The following GALNT17 variants were observed in gnomAD, a reference collection of about 807,000 sequenced individuals.
The protein encoded by GALNT17 is polypeptide N-acetylgalactosaminyltransferase 17.
Under a neutral mutation model 63.7 loss-of-function variants are expected in GALNT17, and 29 were observed. The observed-to-expected ratio is 0.46, with a 90% CI of 0.34 to 0.62. The LOEUF (loss-of-function observed/expected upper bound fraction) is 0.62. Among genes scored for constraint, GALNT17 ranks in the 20% least tolerant of loss-of-function variants. The pLI is 0.01. For synonymous variants in GALNT17, 305 were observed against 318.3 expected (o/e 0.96, Z 0.45); for missense variants, 603 against 799.6 (o/e 0.75, Z 2.97).
intron 5 of GALNT17, among the ~76,000 whole-genome samples, chr7:71,517,810 C>T (rs539583697): frequency 6.6e-6 from 1 of 152,308 alleles, no homozygotes; most frequent in African/African-American, 2.4e-5. Context: ...GACATGGAAG[C>T]ATCTAACTCC....
intron 5 of GALNT17, among the ~76,000 whole-genome samples, chr7:71,524,889 C>T (rs946316162): frequency 6.6e-6 from 1 of 152,144 alleles, no homozygotes; most frequent in Non-Finnish European, 1.5e-5. Context: ...GCATAGAAGC[C>T]TGAACTGTGT....
At chr7:71,218,323 A>G (rs1410959663) in intron 1 of GALNT17, among the ~76,000 whole-genome samples, 1 of 152,116 alleles carries the variant, frequency 6.6e-6, no homozygotes, top group Non-Finnish European at 1.5e-5. Flanking sequence ...GGTGGGGCAC[A>G]TTAGTTTCAT....
intron 9 of GALNT17, among the ~76,000 whole-genome samples, chr7:71,694,261 T>C (rs895121338): frequency 7.2e-5 from 11 of 152,134 alleles, no homozygotes; most frequent in Admixed American, 1.3e-4. Flanking sequence ...AACATTAGAA[T>C]TGTGGGAGCT....
chr7:71,321,848 C>T (rs1463280647), intron 1 of GALNT17, among the ~76,000 whole-genome samples: 1 of 137,726 alleles, frequency 7.3e-6, no homozygotes, highest in Non-Finnish European at 1.6e-5. Flanking sequence ...CTCCTTCCTT[C>T]CTTTCCTTCC....
At chr7:71,356,824 C>G (rs1047781429) in intron 2 of GALNT17, among the ~76,000 whole-genome samples, 7 of 152,160 alleles carry the variant, frequency 4.6e-5, no homozygotes, top group Non-Finnish European at 1.0e-4. Flanking sequence ...CTGTGTCACC[C>G]AGGCTGGAGT....
rs11267770 is a variant in GALNT17 at position 71,592,544 on chromosome 7, A to AATAAAATAGC, written c.1080+21145_1080+21146insAAATAGCATA. 2.1e-3 allele frequency among the ~76,000 whole-genome samples: 239 copies of AATAAAATAGC among 115,340 alleles called. 1 individual carries two copies. Among genetic ancestry groups the AATAAAATAGC allele is most frequent in the African/African-American group, 6.9e-3 (214 of 31,096 alleles). 75.7% of individuals were successfully genotyped at this position (115,340 alleles called of 152,430 possible). A position where few individuals can be genotyped will look rare whatever the true frequency, so the allele number is the denominator to read the frequency against. The stretch of plus-strand genomic sequence containing the variant: ...AATAAAATAAAATAAAATAAAATAA[A>AATAAAATAGC]ATAGCATAGCATAGCATACTAAAAT... On this transcript the variant is annotated intron_variant, in intron 6 of 10. Coordinates refer to ENST00000333538, the MANE Select transcript of GALNT17 (RefSeq NM_022479.3).
chr7:71,476,790 C>T (rs758792985), intron 5 of GALNT17, among the ~76,000 whole-genome samples: 40 of 152,306 alleles, frequency 2.6e-4, no homozygotes, highest in Middle Eastern at 3.4e-3. Context: ...CCAGGTGTCA[C>T]TAATGCTGAG....
chr7:71,526,438 A>G (rs565375745), intron 5 of GALNT17, among the ~76,000 whole-genome samples: 7 of 152,320 alleles, frequency 4.6e-5, no homozygotes, highest in African/African-American at 1.7e-4. Context: ...TGCTCTCTGC[A>G]TTTCCAGACG....
intron 2 of GALNT17, among the ~76,000 whole-genome samples, chr7:71,361,666 T>C (rs759989593): frequency 5.3e-4 from 81 of 152,072 alleles, no homozygotes; most frequent in Non-Finnish European, 9.4e-4. Flanking sequence ...TGATGTTGAG[T>C]TTCGTTGAGT....
intron 2 of GALNT17, among the ~76,000 whole-genome samples, chr7:71,366,025 G>T (rs1024507974): frequency 6.6e-6 from 1 of 152,164 alleles, no homozygotes; most frequent in Admixed American, 6.5e-5. Flanking sequence ...ATTCTCATAA[G>T]GAGCTCGCAA....
intron 9 of GALNT17, among the ~76,000 whole-genome samples, chr7:71,683,583 C>T (rs888633721): frequency 1.3e-5 from 2 of 152,156 alleles, no homozygotes; most frequent in African/African-American, 4.8e-5. Context: ...ATGTGTTTGT[C>T]AACAAGATGT....
chr7:71,174,563 G>C (rs1210834006), intron 1 of GALNT17, among the ~76,000 whole-genome samples: 1 of 152,224 alleles, frequency 6.6e-6, no homozygotes, highest in Non-Finnish European at 1.5e-5. Context: ...GCAAAGCGTG[G>C]TGGGTTATCA....
At chr7:71,604,304 C>G (rs996887859) in intron 6 of GALNT17, among the ~76,000 whole-genome samples, 1 of 152,108 alleles carries the variant, frequency 6.6e-6, no homozygotes, top group Non-Finnish European at 1.5e-5. Flanking sequence ...AGTGCATACA[C>G]TGGATACTAT....
At chr7:71,450,043 CA>C (rs35144500) in intron 5 of GALNT17, among the ~76,000 whole-genome samples, 136,919 of 140,202 alleles carry the variant, frequency 0.98, 66,842 homozygotes, top group East Asian at 1. Flanking sequence ...AACTCCCTCT[CA>C]AAAAAAAAAA....
rs188059170 is a variant in GALNT17 at position 71,285,869 on chromosome 7, A to G, written c.239-49681A>G. On this transcript the variant is annotated intron_variant, in intron 1 of 10. Coordinates refer to ENST00000333538, the MANE Select transcript of GALNT17 (RefSeq NM_022479.3). ...TTGTTATGGCAGGCTGAACAGATTA[A>G]GACAAATATTCTTTGAATTGAGGAC... is the stretch of plus-strand genomic sequence containing the variant. Among the ~76,000 whole-genome samples, 235 of 152,316 alleles carry G rather than the reference A, an allele frequency of 1.5e-3. 1 individual carries two copies. The highest frequency in any genetic ancestry group is 2.7e-3 in the Non-Finnish European group (185 of 68,018).
chr7:71,622,434 T>G (rs554268013), intron 6 of GALNT17, among the ~76,000 whole-genome samples: 1 of 152,342 alleles, frequency 6.6e-6, no homozygotes, highest in South Asian at 2.1e-4. Flanking sequence ...AGATATCTTC[T>G]TGTCTCTAGG....
chr7:71,402,041 A>T (rs949940357), intron 3 of GALNT17, among the ~76,000 whole-genome samples: 1 of 152,178 alleles, frequency 6.6e-6, no homozygotes, highest in South Asian at 2.1e-4. Flanking sequence ...CCCAGCCCAA[A>T]CTTTAGCTAT....
At chr7:71,176,540 A>C (rs1369350545) in intron 1 of GALNT17, among the ~76,000 whole-genome samples, 4 of 152,124 alleles carry the variant, frequency 2.6e-5, no homozygotes, top group Non-Finnish European at 5.9e-5. Flanking sequence ...GGATGGAGTT[A>C]GATTTGGGGT....
chr7:71,577,756 T>G (rs1039036622), intron 6 of GALNT17, among the ~76,000 whole-genome samples: 1 of 152,164 alleles, frequency 6.6e-6, no homozygotes, highest in African/African-American at 2.4e-5. Context: ...ATGCCTTAAT[T>G]GCTGGTTGCA....
Sources: allele counts gnomAD v4.1 joint callset (sites outside exome capture counted in the v4.1 genomes callset), GRCh38; gene constraint gnomAD v4.1.1; transcripts MANE v1.5; gene names NCBI Gene and HGNC (gene_info 2026-07-23, HGNC 2026-07-21).